Variants in FAIM observed in about 807,000 individuals in gnomAD.
The protein encoded by FAIM is fas apoptotic inhibitory molecule 1.
Under a neutral mutation model 21.2 loss-of-function variants are expected in FAIM, and 14 were observed. The ratio of observed to expected loss-of-function variants is 0.66; its 90% CI spans 0.44 to 1.03. The LOEUF is 1.03. Among genes scored for constraint, FAIM ranks in the 50% least tolerant of loss-of-function variants. The pLI is 0.00. For synonymous variants in FAIM, 86 were observed against 80.4 expected (o/e 1.07, Z -0.37); for missense variants, 222 against 247.1 (o/e 0.90, Z 0.68).
At chr3:138,620,749 A>G (rs1469755550) in intron 2 of FAIM, among the ~76,000 whole-genome samples, 1 of 152,234 alleles carries the variant, frequency 6.6e-6, no homozygotes, top group South Asian at 2.1e-4. Flanking sequence ...TCAGTCTCCC[A>G]AAGTGCTAGG....
At chr3:138,632,842 C>T in intron 5 of FAIM, 88 bp from the exon 6 acceptor site, 2 of 1,241,118 alleles carry the variant, frequency 1.6e-6, no homozygotes, top group Non-Finnish European at 2.2e-6. Flanking sequence ...TATTTTATTG[C>T]ACTACTAGTA....
At chr3:138,619,918 G>T (rs145207138) in intron 2 of FAIM, 148 bp downstream of exon 2, 1 of 762,010 alleles carries the variant, frequency 1.3e-6, no homozygotes, top group East Asian at 3.0e-5. Context: ...ATTTAAAGCA[G>T]GAGTAGTAAA....
At chr3:138,627,669 TGATC>T (rs2042953092) in intron 4 of FAIM, among the ~76,000 whole-genome samples, 1 of 152,218 alleles carries the variant, frequency 6.6e-6, no homozygotes, top group Admixed American at 6.5e-5. Context: ...CTGTGTGCAC[TGATC>T]ATGTCTTGGG....
intron 4 of FAIM, 91 bp from the exon 5 acceptor site, chr3:138,629,016 T>G: frequency 1.0e-6 from 1 of 967,370 alleles, no homozygotes; most frequent in Non-Finnish European, 1.6e-6. Context: ...ATCTGGTATA[T>G]CAATCCTTTC....
In FAIM at chr3:138,621,533, T is replaced by G. The variant is rs369058786; in HGVS notation, c.171T>G (p.Asp57Glu). 6.2e-7 allele frequency: 1 copy of G among 1,611,714 alleles called. No homozygotes were observed. The highest frequency in any genetic ancestry group is 8.5e-7 in the Non-Finnish European group (1 of 1,179,344). The change falls in exon 3 of 6, where the codon GAT (aspartate) becomes GAG (glutamate). Residue 57 changes from aspartate to glutamate, a missense_variant. Transcript: ENST00000360570. ...TTSGKRVVYV[D>E]GKEEIRKEWM... ...CAGGCAAACGAGTAGTATATGTAGA[T>G]GGAAAGGTAGGAAGAAAATATGTTA...
At chr3:138,628,122 C>CATTTA (rs2042959463) in intron 4 of FAIM, among the ~76,000 whole-genome samples, 1 of 152,184 alleles carries the variant, frequency 6.6e-6, no homozygotes, top group African/African-American at 2.4e-5. Context: ...TTAACTGATC[C>CATTTA]ATTTAAGTGT....
rs558332205 is a variant in FAIM at position 138,622,122 on chromosome 3, T to C, written c.178-66T>C. 58 of 1,309,792 alleles carry C rather than the reference T, an allele frequency of 4.4e-5. No individual in the cohort carries two copies. The South Asian group carries it at 7.7e-4, about 17-fold the overall frequency. 81.1% of individuals were successfully genotyped at this position (1,309,792 alleles called of 1,614,324 possible). Reference sequence around the variant, plus strand: ...TGGCATTGCCTTTGTTCACTTTACGTTATTTCTAAAATTAGATATCAATTT... The same window carrying C: ...TGGCATTGCCTTTGTTCACTTTACGCTATTTCTAAAATTAGATATCAATTT... On this transcript the variant is annotated intron_variant, in intron 3 of 5. Transcript: ENST00000360570.
intron 1 of FAIM, among the ~76,000 whole-genome samples, chr3:138,619,347 G>C (rs529167988): frequency 1.3e-5 from 2 of 152,150 alleles, no homozygotes; most frequent in Non-Finnish European, 2.9e-5. Context: ...GGCTTCTTAC[G>C]CTTCAACTTG....
chr3:138,610,852 G>T, intron 1 of FAIM: 3 of 895,806 alleles, frequency 3.3e-6, no homozygotes, highest in Non-Finnish European at 5.5e-6. Context: ...CAAAGTGCTG[G>T]GATTACGGGG....
At chr3:138,624,658 C>T (rs2042922185) in intron 4 of FAIM, among the ~76,000 whole-genome samples, 1 of 152,212 alleles carries the variant, frequency 6.6e-6, no homozygotes. Context: ...ATGCTGACTA[C>T]AGCCTACATT....
At chr3:138,631,300 C>T (rs758658393) in intron 5 of FAIM, among the ~76,000 whole-genome samples, 20 of 150,310 alleles carry the variant, frequency 1.3e-4, no homozygotes, top group Non-Finnish European at 2.1e-4. Flanking sequence ...ACCTGGTCCC[C>T]GCTGCTCAGG....
At chr3:138,623,774 C>A (rs1422526420) in intron 4 of FAIM, among the ~76,000 whole-genome samples, 1 of 152,126 alleles carries the variant, frequency 6.6e-6, no homozygotes, top group Non-Finnish European at 1.5e-5. Context: ...TTCATGGAAC[C>A]CTTTTGTTCT....
chr3:138,622,156 T>C, intron 3 of FAIM, 32 bp from the exon 4 acceptor site: 1 of 1,508,744 alleles, frequency 6.6e-7, no homozygotes, highest in Non-Finnish European at 9.0e-7. Flanking sequence ...TTTTCTTCCA[T>C]TTGTTTCATA....
intron 2 of FAIM, 176 bp from the exon 3 acceptor site, chr3:138,621,231 A>T: frequency 1.6e-6 from 1 of 628,772 alleles, no homozygotes. Flanking sequence ...TTAAAGGAAG[A>T]GTGAATAAGA....
chr3:138,617,646 T>C (rs2042839808), intron 1 of FAIM, among the ~76,000 whole-genome samples: 1 of 142,598 alleles, frequency 7.0e-6, no homozygotes, highest in South Asian at 2.1e-4. Flanking sequence ...ATATCATATC[T>C]ATATATATAA....
chr3:138,612,507 G>GTA (rs915037559), intron 1 of FAIM, among the ~76,000 whole-genome samples: 1 of 152,132 alleles, frequency 6.6e-6, no homozygotes, highest in African/African-American at 2.4e-5. Context: ...AATATCCTTT[G>GTA]TATATATATG....
intron 1 of FAIM, among the ~76,000 whole-genome samples, chr3:138,613,048 C>T (rs1577005453): frequency 1.5e-5 from 2 of 136,534 alleles, no homozygotes; most frequent in South Asian, 4.6e-4. Flanking sequence ...GGCTTTTGCT[C>T]TTGTTGCCCA....
chr3:138,610,571 C>G (rs2042756756), intron 1 of FAIM: 1 of 159,546 alleles, frequency 6.3e-6, no homozygotes, highest in African/African-American at 2.4e-5. Flanking sequence ...GGATTAATTT[C>G]TTGCTCCCAA....
At chr3:138,626,815 C>T (rs1024100091) in intron 4 of FAIM, among the ~76,000 whole-genome samples, 4 of 152,142 alleles carry the variant, frequency 2.6e-5, no homozygotes, top group African/African-American at 9.6e-5. Context: ...CATTTTGTAC[C>T]CCCGTTAGCT....
Sources: gnomAD v4.1 joint callset for allele counts (sites outside exome capture counted in the v4.1 genomes callset) on GRCh38, gnomAD v4.1.1 for gene constraint, MANE v1.5 for transcripts, NCBI Gene and HGNC (gene_info 2026-07-23, HGNC 2026-07-21) for gene names.